DPYSL2: variants seen among roughly 807,000 people sequenced by gnomAD.
DPYSL2 encodes the protein dihydropyrimidinase-related protein 2.
In DPYSL2, 13 loss-of-function variants were observed where a neutral mutation model predicts 69.9. The observed-to-expected ratio is 0.19, with a 90% CI of 0.12 to 0.30. The LOEUF is 0.30. Among genes scored for constraint, DPYSL2 ranks in the 10% least tolerant of loss-of-function variants. DPYSL2 has a pLI of 1.00. For synonymous variants in DPYSL2, 326 were observed against 359.1 expected (o/e 0.91, Z 1.04); for missense variants, 587 against 918.9 (o/e 0.64, Z 4.67).
rs1248858164 is a variant in DPYSL2 at position 26,550,094 on chromosome 8, A to G, written c.355-31875A>G. On this transcript the variant is annotated intron_variant, in intron 1 of 13. Coordinates refer to ENST00000521913, the MANE Select transcript of DPYSL2 (RefSeq NM_001197293.3). ...ATAACAATAGAAACAACAATAATGT[A>G]TTAGGTAGTTATAGCTTATGGGTAA... Among the ~76,000 whole-genome samples, 3 of 152,354 alleles carry G rather than the reference A, an allele frequency of 2.0e-5. No homozygotes were observed. In the East Asian group the frequency reaches 5.8e-4, roughly 29 times the overall value.
chr8:26,531,853 G>T (rs1800514860), intron 1 of DPYSL2, among the ~76,000 whole-genome samples: 1 of 152,072 alleles, frequency 6.6e-6, no homozygotes, highest in African/African-American at 2.4e-5. Flanking sequence ...TTAGGTGCCG[G>T]TCTTGGTGGG....
At position 26,583,923 on chromosome 8, in the gene DPYSL2, T is replaced by C; in HGVS notation, c.568T>C (p.Ser190Pro). The change falls in exon 3 of 14, where the codon TCT becomes CCT. Residue 190 changes from serine to proline, a missense_variant. By Grantham distance (74) the Ser-to-Pro change is moderately conservative. This residue lies in a region of DPYSL2 where 452 missense variants were observed against 754.3 expected (regional missense o/e 0.60). Transcript: ENST00000521913. ...CCAGATGCCTGATCAGGGAATGACG[T>C]CTGCTGATGATTTCTTCCAAGGAAC... The part of the protein sequence containing the change: ...RFQMPDQGMT[S>P]ADDFFQGTKA... 1 of 1,614,140 alleles carries C rather than the reference T, an allele frequency of 6.2e-7. No individual in the cohort carries two copies.
intron 1 of DPYSL2, among the ~76,000 whole-genome samples, chr8:26,556,659 G>A (rs1169163866): frequency 6.6e-6 from 1 of 151,572 alleles, no homozygotes; most frequent in Non-Finnish European, 1.5e-5. Context: ...ATAGATAGAT[G>A]GATTGTCATG....
intron 1 of DPYSL2, among the ~76,000 whole-genome samples, chr8:26,554,859 G>A (rs1800920669): frequency 6.6e-6 from 1 of 152,062 alleles, no homozygotes; most frequent in Admixed American, 6.6e-5. Context: ...GAATATAAAT[G>A]TCAAAATCCT....
At chr8:26,518,344 G>A (rs1473793601) in intron 1 of DPYSL2, among the ~76,000 whole-genome samples, 2 of 152,188 alleles carry the variant, frequency 1.3e-5, no homozygotes, top group Non-Finnish European at 2.9e-5. Flanking sequence ...GAAAGTGGGG[G>A]TGGGGGATAA....
At chr8:26,561,759 A>G (rs561704354) in intron 1 of DPYSL2, among the ~76,000 whole-genome samples, 3 of 152,242 alleles carry the variant, frequency 2.0e-5, no homozygotes, top group Admixed American at 1.3e-4. Context: ...CATGCAACCT[A>G]TATCCCTCCC....
At position 26,550,849 on chromosome 8, in the gene DPYSL2, G is replaced by T. The variant is rs116521157; in HGVS notation, c.355-31120G>T. Among the ~76,000 whole-genome samples the T allele has an allele frequency of 1.9e-3, 293 of 152,250 alleles. 1 individual carries two copies. Among genetic ancestry groups the T allele is most frequent in the African/African-American group, 6.8e-3 (281 of 41,556 alleles). Reference sequence around the variant, plus strand: ...TGAACCAAAGGCCTGAGAGCTGGTGGGGAGAGGGGGTCTGGTGTAAGTCCC... The same window carrying T: ...TGAACCAAAGGCCTGAGAGCTGGTGTGGAGAGGGGGTCTGGTGTAAGTCCC... On this transcript the variant is annotated intron_variant, in intron 1 of 13. Coordinates refer to ENST00000521913, the MANE Select transcript of DPYSL2 (RefSeq NM_001197293.3).
At chr8:26,583,013 C>T (rs946491972) in intron 2 of DPYSL2, among the ~76,000 whole-genome samples, 14 of 152,172 alleles carry the variant, frequency 9.2e-5, no homozygotes, top group Non-Finnish European at 2.1e-4. Context: ...CCATTTTCCC[C>T]CAATTATAAG....
Position 26,644,679 on chromosome 8 carries a change from C to G in DPYSL2, c.1425+588C>G, listed in dbSNP as rs1288678905. On this transcript the variant is annotated intron_variant, in intron 10 of 13. Transcript: ENST00000521913. This position sits in a 1 kb window ranked among gnomAD's most constrained non-coding sequence, Gnocchi z 4.5. ...AACCTACACAGCTTTAGATGTGACTCTGGGTCAGTCAGGAACAAACTTCCT... is the reference window on the plus strand; with the variant it reads ...AACCTACACAGCTTTAGATGTGACTGTGGGTCAGTCAGGAACAAACTTCCT... 1.3e-5 allele frequency among the ~76,000 whole-genome samples: 2 copies of G among 152,112 alleles called. No homozygotes were observed. Among genetic ancestry groups the G allele is most frequent in the African/African-American group, 4.8e-5 (2 of 41,412 alleles).
At chr8:26,544,060 A>AGAGTT (rs145467875) in intron 1 of DPYSL2, among the ~76,000 whole-genome samples, 1 of 151,778 alleles carries the variant, frequency 6.6e-6, no homozygotes, top group East Asian at 1.9e-4. Context: ...TTCACAAACA[A>AGAGTT]AAGAACAGTC....
chr8:26,590,154 G>A (rs1307474451), intron 3 of DPYSL2, among the ~76,000 whole-genome samples: 5 of 152,148 alleles, frequency 3.3e-5, no homozygotes, highest in Admixed American at 6.5e-5. Context: ...CATTTGACTC[G>A]GGTTAGAAAG....
rs1367346270 is a variant in DPYSL2 at position 26,580,469 on chromosome 8, A to C, written c.355-1500A>C. ...ACAGGTGCAGGAATTATTGTTGGCT[A>C]TTCTCCTTTGACTTTCCAAAGTCTA... is the stretch of plus-strand genomic sequence containing the variant. On this transcript the variant is annotated intron_variant, in intron 1 of 13. Coordinates refer to ENST00000521913, the MANE Select transcript of DPYSL2 (RefSeq NM_001197293.3). This position sits in a 1 kb window ranked among gnomAD's most constrained non-coding sequence, Gnocchi z 4.1. Among the ~76,000 whole-genome samples the C allele has an allele frequency of 6.6e-6, 1 of 152,212 alleles. No homozygotes were observed. Among genetic ancestry groups the C allele is most frequent in the Admixed American group, 6.5e-5 (1 of 15,280 alleles).
intron 1 of DPYSL2, among the ~76,000 whole-genome samples, chr8:26,555,181 G>C (rs1800926198): frequency 6.6e-6 from 1 of 152,020 alleles, no homozygotes; most frequent in Non-Finnish European, 1.5e-5. Context: ...AAACTTTCCT[G>C]CTAACAATAG....
rs956844056 is a variant in DPYSL2, at chr8:26,656,436, A to T, written c.*730A>T. The T allele has an allele frequency of 1.4e-4, 22 of 151,818 alleles. No individual in the cohort carries two copies. Among genetic ancestry groups the T allele is most frequent in the African/African-American group, 5.3e-4 (22 of 41,134 alleles). The allele number at this position is 151,818 out of a possible 1,614,324, so 9.4% of individuals were successfully genotyped here. On this transcript the variant is annotated 3_prime_UTR_variant, in exon 14 of 14. Transcript: ENST00000521913. ...TTGCTGCAGATTAAATCCTTTGAGG[A>T]TTCTCTTCTCTTTTACCATTTTTCT...
rs1802464359 is a variant in DPYSL2, at chr8:26,620,837, A to G, written c.629-3306A>G. Among the ~76,000 whole-genome samples, 2 of 152,196 alleles carry G rather than the reference A, an allele frequency of 1.3e-5. No individual in the cohort carries two copies. Among genetic ancestry groups the G allele is most frequent in the South Asian group, 4.1e-4 (2 of 4,826 alleles). On this transcript the variant is annotated intron_variant, in intron 3 of 13. Transcript: ENST00000521913. This position sits in a 1 kb window ranked among gnomAD's most constrained non-coding sequence, Gnocchi z 4.5. ...TCAGGCTTCCTTATTTACATTGGCT[A>G]GAGAGCCTAACTCTAAATTTAGCCA...
At position 26,516,782 on chromosome 8, in the gene DPYSL2, A is replaced by G. The variant is rs10866851; in HGVS notation, c.354+2103A>G. ...ACCTTCCCCTGAATTTTCATGTTTA[A>G]TCTTGCCTTATCATATAAGGCCTAC... On this transcript the variant is annotated intron_variant, in intron 1 of 13. Transcript: ENST00000521913. This position sits in a 1 kb window ranked among gnomAD's most constrained non-coding sequence, Gnocchi z 4.8. 0.6 allele frequency among the ~76,000 whole-genome samples: 91,233 copies of G among 151,994 alleles called. 29,663 individuals are homozygous for G. The highest frequency in any genetic ancestry group is 0.9 in the East Asian group (4,652 of 5,170).
rs149461670 is a variant in DPYSL2 at position 26,569,374 on chromosome 8, AAAC to A, written c.355-12592_355-12590del. ...ATCTCCAAAAAAAAAACAAAAACAA[AAAC>A]AAAAAAAAACCAAAGAAAAACCCAA... On this transcript the variant is annotated intron_variant, in intron 1 of 13. Coordinates refer to ENST00000521913, the MANE Select transcript of DPYSL2 (RefSeq NM_001197293.3). Among the ~76,000 whole-genome samples, 310 of 94,688 alleles carry A rather than the reference AAAC, an allele frequency of 3.3e-3. 10 individuals are homozygous for A. Among genetic ancestry groups the A allele is most frequent in the East Asian group, 5.4e-3 (21 of 3,868 alleles). The allele number at this position is 94,688 out of a possible 152,430, so 62.1% of individuals were successfully genotyped here. A position where few individuals can be genotyped will look rare whatever the true frequency, so the allele number is the denominator to read the frequency against.
intron 1 of DPYSL2, among the ~76,000 whole-genome samples, chr8:26,559,860 G>A (rs1801045112): frequency 6.6e-6 from 1 of 152,134 alleles, no homozygotes; most frequent in African/African-American, 2.4e-5. Context: ...ACTCTGGCTT[G>A]CATTAAATTC....
At chr8:26,567,934 A>T (rs564654746) in intron 1 of DPYSL2, among the ~76,000 whole-genome samples, 1 of 152,118 alleles carries the variant, frequency 6.6e-6, no homozygotes, top group African/African-American at 2.4e-5. Flanking sequence ...TCCATTTCTA[A>T]TTCTCTGAAG....
Sources: gnomAD v4.1 joint callset for allele counts (sites outside exome capture counted in the v4.1 genomes callset) on GRCh38, gnomAD v4.1.1 for gene constraint, gnomAD v4.1.1 regional missense constraint, Gnocchi (gnomAD v3.1) non-coding constraint, MANE v1.5 for transcripts, NCBI Gene and HGNC (gene_info 2026-07-23, HGNC 2026-07-21) for gene names.